FLI1: variants seen among roughly 807,000 people sequenced by gnomAD.
The protein encoded by FLI1 is Fli-1 proto-oncogene, ETS transcription factor.
A neutral mutation model predicts 53.1 loss-of-function variants in FLI1; 13 were observed. That is an observed-to-expected ratio of 0.24 (90% CI 0.16 to 0.39). The LOEUF (loss-of-function observed/expected upper bound fraction) is 0.39, where lower values mean the gene tolerates loss of function less well. FLI1 is among the 10% of genes least tolerant of loss of function. FLI1 has a pLI of 1.00. For missense variants in FLI1, 424 were observed against 600.5 expected (o/e 0.71, Z 3.07); for synonymous variants, 244 against 236.7 (o/e 1.03, Z -0.28).
In FLI1 at chr11:128,812,091, A is replaced by G. The variant is rs1942952012; in HGVS notation, c.*1103A>G. On this transcript the variant is annotated 3_prime_UTR_variant, in exon 9 of 9. Transcript: ENST00000527786. ...GGAAACAGGGCTGTTTAAGTCACTG[A>G]CTTATGAGAAAGCAAAGCACTGGTA... 9.6e-6 allele frequency: 2 copies of G among 208,930 alleles called. No individual in the cohort carries two copies. 12.9% of individuals were successfully genotyped at this position (208,930 alleles called of 1,614,324 possible). A position where few individuals can be genotyped will look rare whatever the true frequency, so the allele number is the denominator to read the frequency against.
At chr11:128,781,782 G>A (rs190149584) in intron 4 of FLI1, among the ~76,000 whole-genome samples, 176 bp from the exon 5 acceptor site, 2 of 152,268 alleles carry the variant, frequency 1.3e-5, no homozygotes, top group East Asian at 3.9e-4. Flanking sequence ...TTACAGGCCT[G>A]TATGATTGTC....
At chr11:128,721,127 T>C (rs1279676907) in intron 1 of FLI1, among the ~76,000 whole-genome samples, 1 of 152,232 alleles carries the variant, frequency 6.6e-6, no homozygotes, top group Non-Finnish European at 1.5e-5. Flanking sequence ...TAATTCTCTG[T>C]GAGCCCCTTA....
intron 1 of FLI1, among the ~76,000 whole-genome samples, chr11:128,713,406 G>T (rs1938869788): frequency 6.6e-6 from 1 of 152,190 alleles, no homozygotes; most frequent in Non-Finnish European, 1.5e-5. Context: ...TGGGAAGAAG[G>T]TAAGGAGTAT....
chr11:128,801,779 T>TA (rs1942644632), intron 5 of FLI1, among the ~76,000 whole-genome samples: 1 of 152,232 alleles, frequency 6.6e-6, no homozygotes, highest in South Asian at 2.1e-4. Context: ...AACAAATACT[T>TA]AGAGTCTACT....
In FLI1 at chr11:128,722,497, C is replaced by T. The variant is rs145737231; in HGVS notation, c.18+28221C>T. Among the ~76,000 whole-genome samples, 643 of 152,296 alleles carry T rather than the reference C, an allele frequency of 4.2e-3. 1 individual carries two copies. The highest frequency in any genetic ancestry group is 6.8e-3 in the Middle Eastern group (2 of 294). On this transcript the variant is annotated intron_variant, in intron 1 of 8. Coordinates refer to ENST00000527786, the MANE Select transcript of FLI1 (RefSeq NM_002017.5). ...CTGCCCAGAGTGCCAGCAAACACTG[C>T]AGGATTTGCTTGCTCAGACTTCAGG...
In FLI1 at chr11:128,800,552, G is replaced by A. The variant is rs528296578; in HGVS notation, c.656-4814G>A. On this transcript the variant is annotated intron_variant, in intron 5 of 8. Transcript: ENST00000527786. ...AGGACCAGGTTAAAAGCTTCACACA[G>A]AAGCTAAGTTAACATTGGTATGTCT... Among the ~76,000 whole-genome samples, 9 of 152,276 alleles carry A rather than the reference G, an allele frequency of 5.9e-5. No individual in the cohort carries two copies. In the South Asian group the frequency reaches 1.9e-3, roughly 32 times the overall value.
intron 1 of FLI1, among the ~76,000 whole-genome samples, chr11:128,714,866 G>A (rs185115437): frequency 1.5e-3 from 230 of 151,702 alleles, no homozygotes; most frequent in Middle Eastern, 3.4e-3. Flanking sequence ...GCACCACCAC[G>A]CCCAGCTAAT....
chr11:128,688,002 G>C (rs1426835327), intron 1 of FLI1, among the ~76,000 whole-genome samples: 4 of 152,210 alleles, frequency 2.6e-5, no homozygotes, highest in Admixed American at 6.5e-5. Context: ...CGGATTCGCT[G>C]TCCCCAGTTT....
intron 5 of FLI1, chr11:128,803,863 T>C (rs2135912306): frequency 6.6e-6 from 1 of 152,332 alleles, no homozygotes; most frequent in East Asian, 1.9e-4. Context: ...AAGCTGGTCT[T>C]TCATTTGTCT....
chr11:128,757,581 G>C (rs1013983064), intron 1 of FLI1, among the ~76,000 whole-genome samples: 3 of 152,182 alleles, frequency 2.0e-5, no homozygotes, highest in Non-Finnish European at 4.4e-5. Context: ...AAATTGGCCT[G>C]GCCACAGCCA....
At chr11:128,798,119 T>C (rs1239094222) in intron 5 of FLI1, among the ~76,000 whole-genome samples, 1 of 152,176 alleles carries the variant, frequency 6.6e-6, no homozygotes, top group Non-Finnish European at 1.5e-5. Flanking sequence ...AAGTGAACTG[T>C]TATGTTTTCT....
At chr11:128,767,639 A>G (rs1941394489) in intron 2 of FLI1, among the ~76,000 whole-genome samples, 1 of 152,248 alleles carries the variant, frequency 6.6e-6, no homozygotes, top group African/African-American at 2.4e-5. Flanking sequence ...GGTTAAACAA[A>G]GAAAGTGATG....
intron 5 of FLI1, among the ~76,000 whole-genome samples, chr11:128,785,689 G>C (rs746401748): frequency 1.3e-5 from 2 of 152,058 alleles, no homozygotes; most frequent in Non-Finnish European, 2.9e-5. Flanking sequence ...CTTATGCTTG[G>C]CACCAGCCCT....
intron 4 of FLI1, among the ~76,000 whole-genome samples, chr11:128,775,066 G>A (rs114884401): frequency 1.3e-3 from 204 of 152,288 alleles, no homozygotes; most frequent in African/African-American, 4.6e-3. Context: ...TTCCCAAAAG[G>A]GACTTATTAG....
At chr11:128,715,293 T>G (rs1056097432) in intron 1 of FLI1, among the ~76,000 whole-genome samples, 3 of 152,356 alleles carry the variant, frequency 2.0e-5, no homozygotes, top group Admixed American at 6.5e-5. Context: ...GAAGTTTATT[T>G]TTGCAATTCC....
At chr11:128,737,114 C>A (rs957363113) in intron 1 of FLI1, among the ~76,000 whole-genome samples, 1 of 152,204 alleles carries the variant, frequency 6.6e-6, no homozygotes, top group Non-Finnish European at 1.5e-5. Context: ...ATAGGGACTT[C>A]GGAAAGCCCT....
chr11:128,808,826 C>A (rs1329928496), intron 7 of FLI1, among the ~76,000 whole-genome samples: 1 of 152,082 alleles, frequency 6.6e-6, no homozygotes, highest in Non-Finnish European at 1.5e-5. Flanking sequence ...GTCAGCTGTC[C>A]GTTGTATCAT....
chr11:128,700,780 G>A (rs1232070241), intron 1 of FLI1, among the ~76,000 whole-genome samples: 1 of 152,112 alleles, frequency 6.6e-6, no homozygotes, highest in African/African-American at 2.4e-5. Context: ...GAGCTGAGGT[G>A]GGAGGATCAC....
intron 1 of FLI1, among the ~76,000 whole-genome samples, chr11:128,732,830 C>T (rs1939757144): frequency 6.6e-6 from 1 of 152,106 alleles, no homozygotes; most frequent in Non-Finnish European, 1.5e-5. Context: ...CCTTGTTTTG[C>T]CCAGAGAAGC....
Sources: gnomAD v4.1 joint callset for allele counts (sites outside exome capture counted in the v4.1 genomes callset) on GRCh38, gnomAD v4.1.1 for gene constraint, MANE v1.5 for transcripts, NCBI Gene and HGNC (gene_info 2026-07-23, HGNC 2026-07-21) for gene names.